Variants in GRIN2A observed in about 807,000 individuals in gnomAD.
GRIN2A encodes the protein glutamate ionotropic receptor NMDA type subunit 2A.
In GRIN2A, 22 loss-of-function variants were observed where a neutral mutation model predicts 113.4. That is an observed-to-expected ratio of 0.19 (90% CI 0.14 to 0.28). The LOEUF is 0.28. GRIN2A is among the 10% of genes least tolerant of loss of function. The probability of loss-of-function intolerance (pLI) is 1.00; values close to 1 mark genes in which losing one functional copy is unlikely to be tolerated. For missense variants in GRIN2A, 1,502 were observed against 1,887.0 expected (o/e 0.80, Z 3.78); for synonymous variants, 827 against 738.4 (o/e 1.12, Z -1.94).
chr16:9,918,677 A>G (rs181403975), intron 3 of GRIN2A, among the ~76,000 whole-genome samples: 179 of 152,334 alleles, frequency 1.2e-3, no homozygotes, highest in African/African-American at 4.0e-3. Context: ...AGTGTTTCTC[A>G]AATTCTTACT....
chr16:9,912,468 A>C (rs894675067), intron 3 of GRIN2A, among the ~76,000 whole-genome samples: 1 of 137,412 alleles, frequency 7.3e-6, no homozygotes, highest in Non-Finnish European at 1.5e-5. Flanking sequence ...AAAAGGAATA[A>C]TGAAAAGATA....
At chr16:9,971,540 T>G (rs1163434253) in intron 2 of GRIN2A, among the ~76,000 whole-genome samples, 1 of 152,204 alleles carries the variant, frequency 6.6e-6, no homozygotes, top group African/African-American at 2.4e-5. Context: ...ATAAAATGAT[T>G]CTTGTTTCTA....
intron 2 of GRIN2A, among the ~76,000 whole-genome samples, chr16:10,159,796 C>T (rs2049775001): frequency 6.6e-6 from 1 of 152,180 alleles, no homozygotes; most frequent in South Asian, 2.1e-4. Flanking sequence ...CAAATTCCAT[C>T]CCAGATCGCC....
At chr16:9,799,755 A>G (rs958337923) in intron 10 of GRIN2A, among the ~76,000 whole-genome samples, 2 of 152,202 alleles carry the variant, frequency 1.3e-5, no homozygotes, top group African/African-American at 4.8e-5. Context: ...GAATACACAT[A>G]GCACTTTTAA....
intron 4 of GRIN2A, among the ~76,000 whole-genome samples, chr16:9,874,961 AC>A (rs1176742468): frequency 6.6e-6 from 1 of 151,644 alleles, no homozygotes; most frequent in African/African-American, 2.4e-5. Flanking sequence ...GGTGGCACAC[AC>A]CTGTAGTCCC....
chr16:9,869,235 C>A (rs1174921133), intron 4 of GRIN2A, among the ~76,000 whole-genome samples: 1 of 152,156 alleles, frequency 6.6e-6, no homozygotes, highest in African/African-American at 2.4e-5. Flanking sequence ...GAGTTTGAGA[C>A]CAGCCCGGGC....
At chr16:9,893,799 C>G (rs1055819396) in intron 3 of GRIN2A, among the ~76,000 whole-genome samples, 4 of 152,194 alleles carry the variant, frequency 2.6e-5, no homozygotes, top group Non-Finnish European at 4.4e-5. Context: ...CAACTAATTA[C>G]TCTATTTATT....
intron 2 of GRIN2A, among the ~76,000 whole-genome samples, chr16:10,137,440 G>A (rs1196570102): frequency 7.9e-5 from 12 of 152,178 alleles, no homozygotes; most frequent in Admixed American, 7.9e-4. Context: ...ACCCACACCT[G>A]GAGGTCTGCA....
intron 2 of GRIN2A, chr16:10,179,359 A>T (rs893082442): frequency 2.6e-5 from 4 of 153,554 alleles, no homozygotes; most frequent in Admixed American, 2.6e-4. Context: ...TTCCACTCCC[A>T]CCCACTCCCC....
At chr16:9,911,140 A>C (rs1045684717) in intron 3 of GRIN2A, among the ~76,000 whole-genome samples, 4 of 152,178 alleles carry the variant, frequency 2.6e-5, no homozygotes, top group African/African-American at 9.7e-5. Flanking sequence ...GCAGCCTTAA[A>C]TAGGAGTGAC....
chr16:9,975,012 T>C (rs1185575694), intron 2 of GRIN2A, among the ~76,000 whole-genome samples: 1 of 152,156 alleles, frequency 6.6e-6, no homozygotes, highest in Non-Finnish European at 1.5e-5. Context: ...ACTTCTATCA[T>C]GAAAACACTC....
intron 2 of GRIN2A, among the ~76,000 whole-genome samples, chr16:10,043,242 G>A (rs7190960): frequency 0.32 from 48,941 of 151,972 alleles, 8,355 homozygotes; most frequent in East Asian, 0.53. Context: ...ATGCCGTTAA[G>A]TAACTTTTCC....
intron 2 of GRIN2A, among the ~76,000 whole-genome samples, chr16:10,042,708 G>A (rs758177555): frequency 6.6e-5 from 10 of 152,154 alleles, no homozygotes; most frequent in African/African-American, 1.9e-4. Flanking sequence ...ACCCAATCCC[G>A]GACAATGATA....
At chr16:9,778,308 T>A (rs1340122030) in intron 11 of GRIN2A, among the ~76,000 whole-genome samples, 1 of 152,184 alleles carries the variant, frequency 6.6e-6, no homozygotes, top group Non-Finnish European at 1.5e-5. Flanking sequence ...CAAGCACTTC[T>A]GGAATCTGCT....
At chr16:10,148,251 T>G (rs984803506) in intron 2 of GRIN2A, among the ~76,000 whole-genome samples, 3 of 152,220 alleles carry the variant, frequency 2.0e-5, no homozygotes, top group African/African-American at 7.2e-5. Flanking sequence ...GAGCTCCTTT[T>G]GTGCTAAAAC....
At chr16:10,151,442 A>G (rs2049569529) in intron 2 of GRIN2A, among the ~76,000 whole-genome samples, 1 of 152,216 alleles carries the variant, frequency 6.6e-6, no homozygotes, top group African/African-American at 2.4e-5. Flanking sequence ...ATGGGAAACA[A>G]TGGGGCATGA....
intron 2 of GRIN2A, among the ~76,000 whole-genome samples, chr16:10,009,361 T>C (rs368569623): frequency 2.0e-5 from 3 of 150,432 alleles, no homozygotes; most frequent in Non-Finnish European, 3.0e-5. Context: ...CACAGAGAGG[T>C]AGAAGGTAGG....
At chr16:9,879,516 T>C (rs187642262) in intron 4 of GRIN2A, among the ~76,000 whole-genome samples, 1 of 152,326 alleles carries the variant, frequency 6.6e-6, no homozygotes, top group East Asian at 1.9e-4. Flanking sequence ...TTCTCTCAGA[T>C]TCCGCGGCCA....
intron 2 of GRIN2A, among the ~76,000 whole-genome samples, chr16:10,119,226 G>A (rs1438449444): frequency 1.3e-5 from 2 of 152,212 alleles, no homozygotes; most frequent in East Asian, 3.8e-4. Flanking sequence ...TTCAGTAGGA[G>A]GAGGAAGATG....
Sources: gnomAD v4.1 joint callset for allele counts (sites outside exome capture counted in the v4.1 genomes callset) on GRCh38, gnomAD v4.1.1 for gene constraint, MANE v1.5 for transcripts, NCBI Gene and HGNC (gene_info 2026-07-23, HGNC 2026-07-21) for gene names.